The following PHEX variants were observed in gnomAD, a reference collection of about 807,000 sequenced individuals.
The protein encoded by PHEX is phosphate-regulating neutral endopeptidase PHEX.
A neutral mutation model predicts 68.0 loss-of-function variants in PHEX; 16 were observed. That is an observed-to-expected ratio of 0.24 (90% CI 0.16 to 0.36). The LOEUF (loss-of-function observed/expected upper bound fraction) is 0.36, where lower values mean the gene tolerates loss of function less well. Among genes scored for constraint, PHEX ranks in the 10% least tolerant of loss-of-function variants. PHEX has a pLI of 1.00. For synonymous variants in PHEX, 208 were observed against 205.1 expected, an observed-to-expected ratio of 1.01 and a Z score of -0.12; for missense variants, 480 against 575.5, an observed-to-expected ratio of 0.83 and a Z score of 1.70.
chrX:22,228,060 A>C (rs1666406856), intron 20 of PHEX, among the ~76,000 whole-genome samples: 1 of 111,855 alleles, frequency 8.9e-6, no homozygotes, highest in Admixed American at 9.5e-5. Flanking sequence ...TGTCTAATGC[A>C]TATGCAGAGA....
In PHEX at chrX:22,179,742, GTCA is replaced by G. The variant is rs1933826614; in HGVS notation, c.1586+1371_1586+1373del. On this transcript the variant is annotated intron_variant, in intron 14 of 21. Coordinates refer to ENST00000379374, the MANE Select transcript of PHEX (RefSeq NM_000444.6). ...TGTTGTGATTCTTTGTTAAGTCATT[GTCA>G]TCATATTTTCTATTAATTCTTCAAA... 3.6e-5 allele frequency among the ~76,000 whole-genome samples: 4 copies of G among 111,501 alleles called. No homozygotes were observed. In the South Asian group the frequency reaches 1.5e-3, roughly 42 times the overall value.
intron 15 of PHEX, among the ~76,000 whole-genome samples, chrX:22,204,009 A>G (rs1934635794): frequency 9.0e-6 from 1 of 111,419 alleles, no homozygotes; most frequent in Non-Finnish European, 1.9e-5. Context: ...AGAGATGGTG[A>G]CTTAATAGGT....
At chrX:22,132,126 G>T (rs1240445219) in intron 11 of PHEX, among the ~76,000 whole-genome samples, 1 of 111,051 alleles carries the variant, frequency 9.0e-6, no homozygotes, top group African/African-American at 3.3e-5. Context: ...TAGAGACAAG[G>T]TCTCACTCTG....
intron 9 of PHEX, among the ~76,000 whole-genome samples, chrX:22,106,488 T>A (rs1028160585): frequency 1.8e-5 from 2 of 111,793 alleles, no homozygotes; most frequent in African/African-American, 6.5e-5. Flanking sequence ...TTAGAGGCTT[T>A]GGCCAGGCGT....
intron 14 of PHEX, 21 bp downstream of exon 14, chrX:22,178,397 G>A: frequency 1.0e-6 from 1 of 954,541 alleles, no homozygotes; most frequent in Non-Finnish European, 1.5e-6. Context: ...AACAAAAAAA[G>A]TTAAATAGAT....
At chrX:22,222,872 G>A (rs6654107) in intron 18 of PHEX, among the ~76,000 whole-genome samples, 188 of 111,735 alleles carry the variant, frequency 1.7e-3, no homozygotes, top group African/African-American at 5.4e-3. Flanking sequence ...TAAAATCCAC[G>A]GTAGAGTCTA....
intron 3 of PHEX, among the ~76,000 whole-genome samples, chrX:22,053,603 A>G (rs1280193843): frequency 8.9e-6 from 1 of 112,091 alleles, no homozygotes; most frequent in Non-Finnish European, 1.9e-5. Context: ...AAGACACAGC[A>G]TGCATTGCTT....
At chrX:22,226,579 C>T (rs1296599193) in intron 19 of PHEX, 71 bp downstream of exon 19, 16 of 775,175 alleles carry the variant, frequency 2.1e-5, no homozygotes, top group Non-Finnish European at 3.0e-5. Context: ...TACCTCAATT[C>T]ATACCATAGC....
rs145977428 is a variant in PHEX at position 22,117,038 on chromosome X, T to C, written c.1302+2452T>C. Among the ~76,000 whole-genome samples the C allele has an allele frequency of 4.5e-5, 5 of 112,254 alleles. No homozygotes were observed. The East Asian group carries it at 1.4e-3, about 31-fold the overall frequency. ...AATTACCTCAGTACCTAGACCCATTTAGATTAAGTAAACTTACTGAGGCTC... is the reference window on the plus strand; with the variant it reads ...AATTACCTCAGTACCTAGACCCATTCAGATTAAGTAAACTTACTGAGGCTC... On this transcript the variant is annotated intron_variant, in intron 11 of 21. Coordinates refer to ENST00000379374, the MANE Select transcript of PHEX (RefSeq NM_000444.6).
chrX:22,204,239 T>C (rs7062764), intron 15 of PHEX, among the ~76,000 whole-genome samples: 16,745 of 110,617 alleles, frequency 0.15, 1,494 homozygotes, highest in African/African-American at 0.34. Context: ...TGCTGCTGGT[T>C]TGCAGACCAA....
At chrX:22,134,547 C>T (rs1382380980) in intron 12 of PHEX, among the ~76,000 whole-genome samples, 5 of 112,354 alleles carry the variant, frequency 4.5e-5, no homozygotes, top group South Asian at 3.7e-4. Flanking sequence ...GAGTTGAGAT[C>T]GTGCCACTGC....
At position 22,226,439 on chromosome X, in the gene PHEX, T is replaced by A; in HGVS notation, c.1900-4T>A. 8.4e-7 allele frequency: 1 copy of A among 1,195,711 alleles called. No homozygotes were observed. The highest frequency in any genetic ancestry group is 1.1e-6 in the Non-Finnish European group (1 of 881,689). ...TTTTTTTTTTCCTTTTTTCTTTCTG[T>A]TAGGTCAAGGGGAAGAGGACCCTGG... On this transcript the variant is annotated splice_region_variant and splice_polypyrimidine_tract_variant and intron_variant, in intron 18 of 21. Coordinates refer to ENST00000379374, the MANE Select transcript of PHEX (RefSeq NM_000444.6).
Position 22,050,005 on chromosome X carries a change from G to A in PHEX, c.349+2794G>A, listed in dbSNP as rs971957012. ...TAGGCAAAATCCAGTCCACTGCCTG[G>A]AAGTTTTATTGGAACACAGCCACAT... On this transcript the variant is annotated intron_variant, in intron 3 of 21. Coordinates refer to ENST00000379374, the MANE Select transcript of PHEX (RefSeq NM_000444.6). Among the ~76,000 whole-genome samples the A allele has an allele frequency of 2.7e-5, 3 of 112,794 alleles. No individual in the cohort carries two copies. The South Asian group carries it at 1.1e-3, about 41-fold the overall frequency.
Position 22,219,112 on chromosome X carries a change from C to G in PHEX, c.1768+9C>G. The G allele has an allele frequency of 9.1e-7, 1 of 1,103,204 alleles. No individual in the cohort carries two copies. Among genetic ancestry groups the G allele is most frequent in the Non-Finnish European group, 1.3e-6 (1 of 796,860 alleles). 90.9% of individuals were successfully genotyped at this position (1,103,204 alleles called of 1,213,427 possible). On this transcript the variant is annotated intron_variant, in intron 17 of 21. Coordinates refer to ENST00000379374, the MANE Select transcript of PHEX (RefSeq NM_000444.6). The stretch of plus-strand genomic sequence containing the variant: ...TGGATTTGATAATAATGGTAAGTAC[C>G]GGTTCATTTTATAAGCTGCTGCTTT...
chrX:22,151,328 A>G lies in PHEX; in HGVS notation c.1405-16984A>G, dbSNP rs564549136. 9.6e-4 allele frequency among the ~76,000 whole-genome samples: 108 copies of G among 112,260 alleles called. 1 individual carries two copies. In the South Asian group the frequency reaches 0.038, roughly 39 times the overall value. ...CTTGTGGGCTTCAGGAGTAAGGTGC[A>G]AGATTCCTGGTCTGCTGCTCATGGT... On this transcript the variant is annotated intron_variant, in intron 12 of 21. Coordinates refer to ENST00000379374, the MANE Select transcript of PHEX (RefSeq NM_000444.6).
chrX:22,135,772 A>G (rs1932200778), intron 12 of PHEX, among the ~76,000 whole-genome samples: 1 of 111,639 alleles, frequency 9.0e-6, no homozygotes, highest in Non-Finnish European at 1.9e-5. Context: ...TTTTATTTCA[A>G]TGAGAGCTGT....
chrX:22,171,978 T>C (rs1933550239), intron 13 of PHEX: 1 of 111,781 alleles, frequency 8.9e-6, no homozygotes, highest in African/African-American at 3.3e-5. Context: ...AGGAGAAATG[T>C]TGAAAATTGA....
intron 20 of PHEX, among the ~76,000 whole-genome samples, chrX:22,231,942 G>A (rs751916324): frequency 8.9e-6 from 1 of 111,942 alleles, no homozygotes; most frequent in Non-Finnish European, 1.9e-5. Context: ...TGATTTAAAT[G>A]TGTCCCAGAG....
chrX:22,133,176 A>G (rs1206446586), intron 11 of PHEX, among the ~76,000 whole-genome samples: 1 of 111,690 alleles, frequency 9.0e-6, no homozygotes, highest in Non-Finnish European at 1.9e-5. Flanking sequence ...ATGAGCCACC[A>G]TGCCCAGCTA....
Sources: allele counts gnomAD v4.1 joint callset (sites outside exome capture counted in the v4.1 genomes callset), GRCh38; gene constraint gnomAD v4.1.1; transcripts MANE v1.5; gene names NCBI Gene and HGNC (gene_info 2026-07-23, HGNC 2026-07-21).